Variants in CAMK1D observed in about 807,000 individuals in gnomAD.
The protein encoded by CAMK1D is calcium/calmodulin-dependent protein kinase type 1D.
A neutral mutation model predicts 47.7 loss-of-function variants in CAMK1D; 9 were observed. That is an observed-to-expected ratio of 0.19 (90% CI 0.11 to 0.33). The LOEUF is 0.33. CAMK1D is among the 10% of genes least tolerant of loss of function. The pLI, the probability that CAMK1D is intolerant of heterozygous loss-of-function variation, is 1.00. For synonymous variants in CAMK1D, 184 were observed against 184.9 expected, an observed-to-expected ratio of 0.99 and a Z score of 0.04; for missense variants, 291 against 488.7, an observed-to-expected ratio of 0.60 and a Z score of 3.81.
At chr10:12,426,395 C>T (rs772064956) in intron 1 of CAMK1D, among the ~76,000 whole-genome samples, 43 of 152,106 alleles carry the variant, frequency 2.8e-4, no homozygotes, top group Non-Finnish European at 5.1e-4. Flanking sequence ...TACAGGCATG[C>T]GCCACCATGC....
chr10:12,362,281 G>A (rs1257927628), intron 1 of CAMK1D, among the ~76,000 whole-genome samples: 1 of 151,900 alleles, frequency 6.6e-6, no homozygotes, highest in East Asian at 1.9e-4. Context: ...GATACACACC[G>A]TTCCACCATC....
At chr10:12,361,545 CTTTTTTTTTTTT>C (rs36015215) in intron 1 of CAMK1D, among the ~76,000 whole-genome samples, 8 of 63,090 alleles carry the variant, frequency 1.3e-4, no homozygotes, top group Non-Finnish European at 2.0e-4. Context: ...GTGCCTGGCC[CTTTTTTTTTTTT>C]TTTTTTTTTT....
At chr10:12,809,274 G>A (rs1379134064) in intron 6 of CAMK1D, among the ~76,000 whole-genome samples, 1 of 152,170 alleles carries the variant, frequency 6.6e-6, no homozygotes, top group Non-Finnish European at 1.5e-5. Flanking sequence ...TTGACCATTT[G>A]TATGTCATTG....
At chr10:12,549,266 T>A (rs540883800) in intron 1 of CAMK1D, among the ~76,000 whole-genome samples, 1 of 152,362 alleles carries the variant, frequency 6.6e-6, no homozygotes, top group African/African-American at 2.4e-5. Context: ...TCTTTCTCTA[T>A]GAATTTGATG....
chr10:12,362,249 A>ACTCCCTC lies in CAMK1D; in HGVS notation c.92+12346_92+12352dup, dbSNP rs373270679. 4.6e-3 allele frequency among the ~76,000 whole-genome samples: 691 copies of ACTCCCTC among 150,316 alleles called. 2 individuals carry two copies. The highest frequency in any genetic ancestry group is 0.016 in the African/African-American group (656 of 40,868). ...TCCACCTATGAAACACTAACTCCCT[A>ACTCCCTC]CTCCCTCCTCCCTGACCTTCTGATA... On this transcript the variant is annotated intron_variant, in intron 1 of 10. Transcript: ENST00000619168.
intron 3 of CAMK1D, among the ~76,000 whole-genome samples, chr10:12,670,609 G>A (rs578206895): frequency 4.6e-4 from 70 of 151,808 alleles, no homozygotes; most frequent in African/African-American, 1.5e-3. Flanking sequence ...GTGCAATGGC[G>A]TGATCTTGGC....
intron 2 of CAMK1D, among the ~76,000 whole-genome samples, chr10:12,655,965 A>G (rs1223028653): frequency 6.6e-6 from 1 of 152,212 alleles, no homozygotes; most frequent in Non-Finnish European, 1.5e-5. Context: ...TTAGAGTCAA[A>G]GTTGATGGTT....
rs75111468 is a variant in CAMK1D, at chr10:12,639,268, C to T, written c.225-27468C>T. 2.1e-3 allele frequency among the ~76,000 whole-genome samples: 315 copies of T among 152,264 alleles called. 5 individuals carry two copies. Among genetic ancestry groups the T allele is most frequent in the East Asian group, 0.017 (86 of 5,170 alleles). ...TGGGAGGCCAAAGCGGGTGGATCAC[C>T]GAGGTCAGGCGTTCAAGACCAGCCT... On this transcript the variant is annotated intron_variant, in intron 2 of 10. Transcript: ENST00000619168.
chr10:12,500,430 C>T (rs1022404349), intron 1 of CAMK1D, among the ~76,000 whole-genome samples: 1 of 152,146 alleles, frequency 6.6e-6, no homozygotes, highest in Non-Finnish European at 1.5e-5. Flanking sequence ...ATAGCATTGC[C>T]CAGGGTTAAT....
At chr10:12,388,399 TC>T (rs1316686217) in intron 1 of CAMK1D, among the ~76,000 whole-genome samples, 5 of 152,172 alleles carry the variant, frequency 3.3e-5, no homozygotes, top group African/African-American at 1.2e-4. Context: ...TTTCAGCTTT[TC>T]CCCCAGACTC....
intron 3 of CAMK1D, among the ~76,000 whole-genome samples, chr10:12,694,619 T>C (rs1301729965): frequency 4.9e-5 from 7 of 141,978 alleles, no homozygotes; most frequent in Admixed American, 4.5e-4. Flanking sequence ...ATACATATAA[T>C]ATATATTAAA....
At chr10:12,424,060 G>A (rs988464199) in intron 1 of CAMK1D, among the ~76,000 whole-genome samples, 13 of 152,206 alleles carry the variant, frequency 8.5e-5, no homozygotes, top group African/African-American at 3.1e-4. Flanking sequence ...CGTCCTAACT[G>A]GCCATGGAAA....
At chr10:12,549,800 G>A (rs941098233) in intron 1 of CAMK1D, among the ~76,000 whole-genome samples, 2 of 152,146 alleles carry the variant, frequency 1.3e-5, no homozygotes, top group East Asian at 1.9e-4. Context: ...CTAGCTCCAC[G>A]GGCACTACTG....
intron 1 of CAMK1D, among the ~76,000 whole-genome samples, chr10:12,369,322 A>G (rs758158243): frequency 8.5e-5 from 13 of 152,210 alleles, no homozygotes; most frequent in Non-Finnish European, 1.5e-4. Flanking sequence ...AAACCATCAG[A>G]TAGGATGGAT....
intron 5 of CAMK1D, among the ~76,000 whole-genome samples, chr10:12,782,990 T>G (rs1451265574): frequency 3.8e-4 from 54 of 140,322 alleles, no homozygotes; most frequent in South Asian, 1.4e-3. Context: ...AGTTTTTTTT[T>G]TTTTTGTTTT....
intron 2 of CAMK1D, among the ~76,000 whole-genome samples, chr10:12,603,206 C>G (rs1193818232): frequency 6.6e-6 from 1 of 152,042 alleles, no homozygotes; most frequent in Non-Finnish European, 1.5e-5. Flanking sequence ...TGGCCTCTAA[C>G]TGCTTGTTGA....
intron 1 of CAMK1D, among the ~76,000 whole-genome samples, chr10:12,460,213 A>C (rs1833380982): frequency 6.6e-6 from 1 of 152,184 alleles, no homozygotes; most frequent in South Asian, 2.1e-4. Flanking sequence ...GGAAATGCAC[A>C]AAAAGGTGGT....
intron 1 of CAMK1D, among the ~76,000 whole-genome samples, chr10:12,463,493 C>T (rs1833498569): frequency 6.6e-6 from 1 of 152,136 alleles, no homozygotes; most frequent in South Asian, 2.1e-4. Context: ...TGGTACTAAC[C>T]AGTATTTTAG....
intron 3 of CAMK1D, among the ~76,000 whole-genome samples, chr10:12,732,172 C>T (rs917064967): frequency 6.6e-6 from 1 of 152,044 alleles, no homozygotes; most frequent in Admixed American, 6.5e-5. Context: ...ACCTGGGAGG[C>T]GGAGGTTGCA....
Sources: allele counts gnomAD v4.1 joint callset (sites outside exome capture counted in the v4.1 genomes callset), GRCh38; gene constraint gnomAD v4.1.1; transcripts MANE v1.5; gene names NCBI Gene and HGNC (gene_info 2026-07-23, HGNC 2026-07-21).